CDC5L: variants seen among roughly 807,000 people sequenced by gnomAD.
The protein encoded by CDC5L is cell division cycle 5 like.
CDC5L carries 18 observed loss-of-function variants against 104.1 expected under a neutral mutation model. The ratio of observed to expected loss-of-function variants is 0.17; its 90% CI spans 0.12 to 0.26. CDC5L has a LOEUF of 0.26. Ranked by LOEUF, CDC5L falls within the 10% of genes least tolerant of loss-of-function variation. CDC5L has a pLI of 1.00. For synonymous variants in CDC5L, 331 were observed against 322.7 expected, an observed-to-expected ratio of 1.03 and a Z score of -0.28; for missense variants, 673 against 956.9, an observed-to-expected ratio of 0.70 and a Z score of 3.91.
intron 1 of CDC5L, among the ~76,000 whole-genome samples, chr6:44,388,708 C>T (rs1308924056): frequency 7.0e-6 from 1 of 143,826 alleles, no homozygotes; most frequent in Non-Finnish European, 1.5e-5. Context: ...TTTTGCCTTC[C>T]TAGCGCTTGA....
intron 14 of CDC5L, among the ~76,000 whole-genome samples, chr6:44,443,890 G>T (rs938055408): frequency 4.8e-5 from 7 of 145,232 alleles, no homozygotes; most frequent in African/African-American, 1.8e-4. Context: ...TTTCTTAATT[G>T]TTCTTGACTC....
chr6:44,428,856 C>G (rs1792543357), intron 13 of CDC5L, among the ~76,000 whole-genome samples: 1 of 152,094 alleles, frequency 6.6e-6, no homozygotes, highest in African/African-American at 2.4e-5. Flanking sequence ...AAAAAGATGC[C>G]TAGCTCCCCT....
intron 13 of CDC5L, among the ~76,000 whole-genome samples, chr6:44,427,402 T>C (rs1418573812): frequency 6.6e-6 from 1 of 152,174 alleles, no homozygotes; most frequent in African/African-American, 2.4e-5. Context: ...TTTTTTTCTT[T>C]AGCCTTCAGC....
chr6:44,387,893 G>T (rs1790400890), intron 1 of CDC5L, 25 bp downstream of exon 1: 2 of 1,549,514 alleles, frequency 1.3e-6, no homozygotes, highest in Non-Finnish European at 1.7e-6. Flanking sequence ...CCCGCCGTCC[G>T]CTGCCCGCCG....
chr6:44,398,479 AT>A (rs1175874510), intron 5 of CDC5L, among the ~76,000 whole-genome samples: 1 of 152,194 alleles, frequency 6.6e-6, no homozygotes, highest in African/African-American at 2.4e-5. Flanking sequence ...TTCTTGTAGA[AT>A]CTACACATCT....
intron 4 of CDC5L, 91 bp downstream of exon 4, chr6:44,393,664 T>C: frequency 7.6e-7 from 1 of 1,311,182 alleles, no homozygotes; most frequent in Non-Finnish European, 1.0e-6. Flanking sequence ...TCCTCTACTT[T>C]AGAATCCCTT....
At chr6:44,436,919 C>T in intron 14 of CDC5L, among the ~76,000 whole-genome samples, 1 of 152,140 alleles carries the variant, frequency 6.6e-6, no homozygotes, top group East Asian at 1.9e-4. Context: ...CTTTAAATTC[C>T]TATCAGTGAT....
chr6:44,388,212 C>T (rs1207372806), intron 1 of CDC5L, among the ~76,000 whole-genome samples: 4 of 140,124 alleles, frequency 2.9e-5, no homozygotes, highest in Non-Finnish European at 4.7e-5. Context: ...AGTTGGTCCC[C>T]CGGGGCACCA....
In CDC5L at chr6:44,444,999, C is replaced by T. The variant is rs532539138; in HGVS notation, c.2092-656C>T. 3.9e-5 allele frequency among the ~76,000 whole-genome samples: 6 copies of T among 152,314 alleles called. No individual in the cohort carries two copies. In the East Asian group the frequency reaches 7.7e-4, roughly 20 times the overall value. On this transcript the variant is annotated intron_variant, in intron 14 of 15. Transcript: ENST00000371477. ...CCATGCAAGTTAAAAGCCAGGCTGT[C>T]GAGTAGCCACTGGTAGACTGTGCCA...
In CDC5L at chr6:44,406,343, G is replaced by GA; in HGVS notation, c.786dup (p.Asp263ArgfsTer12). ...GACAGTGAAAAAGAAGGAAGAGATA[G>GA]AAAAAAAGACAAACAGCATTTGAAA... On this transcript the variant is annotated frameshift_variant, in exon 7 of 16. Coordinates refer to ENST00000371477, the MANE Select transcript of CDC5L (RefSeq NM_001253.4). LOFTEE classifies it high-confidence loss of function. 1.9e-6 allele frequency: 3 copies of GA among 1,606,280 alleles called. No individual in the cohort carries two copies. The highest frequency in any genetic ancestry group is 2.6e-6 in the Non-Finnish European group (3 of 1,175,236).
chr6:44,402,235 C>A (rs1283925857), intron 5 of CDC5L, among the ~76,000 whole-genome samples: 1 of 149,816 alleles, frequency 6.7e-6, no homozygotes, highest in African/African-American at 2.5e-5. Flanking sequence ...GCCACACTGA[C>A]TTCCACAATG....
intron 8 of CDC5L, among the ~76,000 whole-genome samples, chr6:44,410,575 A>G (rs959058134): frequency 2.6e-5 from 4 of 152,212 alleles, no homozygotes; most frequent in African/African-American, 4.8e-5. Context: ...CCCAGATTGC[A>G]GTGGTTTTTG....
chr6:44,422,838 T>A, intron 10 of CDC5L, 29 bp downstream of exon 10: 1 of 1,532,136 alleles, frequency 6.5e-7, no homozygotes, highest in South Asian at 1.2e-5. Flanking sequence ...TTAATACTCT[T>A]AAATTTTTTT....
chr6:44,433,820 C>A (rs1792798816), intron 14 of CDC5L, among the ~76,000 whole-genome samples: 1 of 152,118 alleles, frequency 6.6e-6, no homozygotes, highest in Non-Finnish European at 1.5e-5. Context: ...CACAGTAGAT[C>A]TCATTTTCTC....
chr6:44,398,636 A>G (rs1259515544), intron 5 of CDC5L, among the ~76,000 whole-genome samples: 1 of 152,206 alleles, frequency 6.6e-6, no homozygotes, highest in Non-Finnish European at 1.5e-5. Context: ...TTTTCCTTCT[A>G]GTATTGTTAA....
chr6:44,391,949 C>G (rs1427823737), intron 2 of CDC5L, among the ~76,000 whole-genome samples: 1 of 152,180 alleles, frequency 6.6e-6, no homozygotes, highest in South Asian at 2.1e-4. Context: ...GATGCTGCCA[C>G]TGCACTCCAG....
intron 14 of CDC5L, among the ~76,000 whole-genome samples, chr6:44,440,508 G>A (rs376850465): frequency 6.6e-6 from 1 of 152,022 alleles, no homozygotes; most frequent in African/African-American, 2.4e-5. Context: ...CTTCCAAAGT[G>A]CTGGGATTAC....
At chr6:44,412,781 C>CTTT (rs397950082) in intron 8 of CDC5L, among the ~76,000 whole-genome samples, 1,437 of 106,564 alleles carry the variant, frequency 0.013, 125 homozygotes, top group African/African-American at 0.024. Flanking sequence ...AGAATAATTT[C>CTTT]TTTTTTTTTT....
chr6:44,414,432 A>G (rs1433151961), intron 8 of CDC5L, among the ~76,000 whole-genome samples: 16 of 83,140 alleles, frequency 1.9e-4, no homozygotes, highest in Admixed American at 1.5e-3. Flanking sequence ...GTGTGTGTGT[A>G]TTTTTTTTTA....
Sources: gnomAD v4.1 joint callset for allele counts (sites outside exome capture counted in the v4.1 genomes callset) on GRCh38, gnomAD v4.1.1 for gene constraint, MANE v1.5 for transcripts, NCBI Gene and HGNC (gene_info 2026-07-23, HGNC 2026-07-21) for gene names.